ANTXR2: variants seen among roughly 807,000 people sequenced by gnomAD.
ANTXR2 encodes ANTXR cell adhesion molecule 2, also known as anthrax toxin receptor 2.
A neutral mutation model predicts 73.7 loss-of-function variants in ANTXR2; 44 were observed. The observed-to-expected ratio is 0.60, with a 90% CI of 0.47 to 0.77. The LOEUF is 0.77. Ranked by LOEUF, ANTXR2 falls within the 30% of genes least tolerant of loss-of-function variation. The pLI is 0.00. For synonymous variants in ANTXR2, 217 were observed against 205.9 expected, an observed-to-expected ratio of 1.05 and a Z score of -0.46; for missense variants, 604 against 592.5, an observed-to-expected ratio of 1.02 and a Z score of -0.20.
chr4:79,963,881 C>A (rs1729244956), intron 16 of ANTXR2, among the ~76,000 whole-genome samples: 1 of 151,868 alleles, frequency 6.6e-6, no homozygotes, highest in African/African-American at 2.4e-5. Flanking sequence ...GGAGAACCGC[C>A]CAAAAAGAAA....
At chr4:80,002,229 A>T (rs1731081717) in intron 12 of ANTXR2, among the ~76,000 whole-genome samples, 1 of 152,160 alleles carries the variant, frequency 6.6e-6, no homozygotes, top group South Asian at 2.1e-4. Flanking sequence ...TAAACGGAAC[A>T]GAACAGAGCC....
At chr4:80,011,879 C>G (rs1298860975) in intron 11 of ANTXR2, among the ~76,000 whole-genome samples, 1 of 152,182 alleles carries the variant, frequency 6.6e-6, no homozygotes, top group Non-Finnish European at 1.5e-5. Context: ...TTAGTGTATT[C>G]AGGGACTGTG....
rs1403623103 is a variant in ANTXR2 at position 80,008,693 on chromosome 4, GA to G, written c.946-78del. On this transcript the variant is annotated intron_variant, in intron 11 of 16. Transcript: ENST00000403729. ...ATTCCAAATGTATATATATTTTAAG[GA>G]AACACCAGAAAATAATTCAGAAAGT... 7.4e-6 allele frequency: 6 copies of G among 810,234 alleles called. 1 individual carries two copies. The highest frequency in any genetic ancestry group is 3.7e-5 in the Admixed American group (1 of 27,216). The allele number at this position is 810,234 out of a possible 1,614,324, so 50.2% of individuals were successfully genotyped here.
intron 11 of ANTXR2, among the ~76,000 whole-genome samples, chr4:80,010,885 C>T (rs1479698908): frequency 6.6e-6 from 1 of 152,116 alleles, no homozygotes; most frequent in Non-Finnish European, 1.5e-5. Flanking sequence ...CAGTGGCTCA[C>T]ACCTGTAATC....
chr4:79,956,938 A>C (rs370703076), intron 16 of ANTXR2, among the ~76,000 whole-genome samples: 110 of 152,284 alleles, frequency 7.2e-4, no homozygotes, highest in African/African-American at 2.5e-3. Flanking sequence ...TCTAAAAAAC[A>C]GAGTGGATTT....
intron 16 of ANTXR2, among the ~76,000 whole-genome samples, chr4:79,971,855 G>A (rs1377296720): frequency 5.0e-5 from 1 of 19,960 alleles, no homozygotes; most frequent in Non-Finnish European, 8.7e-5. Flanking sequence ...GGACATAGGC[G>A]TGGGCAAGGA....
chr4:80,055,554 C>G, intron 4 of ANTXR2, 87 bp from the exon 5 acceptor site: 1 of 1,066,776 alleles, frequency 9.4e-7, no homozygotes, highest in Non-Finnish European at 1.4e-6. Flanking sequence ...GTAAGTCTGA[C>G]AAAATCAAAA....
intron 12 of ANTXR2, among the ~76,000 whole-genome samples, chr4:79,997,600 C>G (rs1730790826): frequency 6.6e-6 from 1 of 151,936 alleles, no homozygotes; most frequent in African/African-American, 2.4e-5. Context: ...CCTTCAACAT[C>G]CTGACCAAAA....
Position 79,977,678 on chromosome 4 carries a change from A to C in ANTXR2, c.1371T>G (p.Ala457=). ...CCCGGTCATACTGCCGCCTCAACAA[A>C]GCCCAGAGAGCATCAAGACGACCCT... ...PIKGRLDALW[A]LLRRQYDRVS... Residue 457 remains alanine, a synonymous_variant, in exon 16 of 17, where the codon GCT becomes GCG. Transcript: ENST00000403729. The C allele has an allele frequency of 6.3e-7, 1 of 1,579,338 alleles. No individual in the cohort carries two copies. The highest frequency in any genetic ancestry group is 8.6e-7 in the Non-Finnish European group (1 of 1,161,994).
At chr4:79,935,913 G>A (rs544570334) in intron 16 of ANTXR2, among the ~76,000 whole-genome samples, 3 of 152,172 alleles carry the variant, frequency 2.0e-5, no homozygotes, top group Non-Finnish European at 4.4e-5. Flanking sequence ...TTGTTAAAGA[G>A]TGACACTTAG....
chr4:79,985,557 A>G (rs1215058508), intron 12 of ANTXR2, among the ~76,000 whole-genome samples: 1 of 152,026 alleles, frequency 6.6e-6, no homozygotes, highest in African/African-American at 2.4e-5. Flanking sequence ...GGGTGGTGAG[A>G]CAGAGACACC....
chr4:79,991,118 A>G (rs1254986314), intron 12 of ANTXR2, among the ~76,000 whole-genome samples: 1 of 152,156 alleles, frequency 6.6e-6, no homozygotes, highest in African/African-American at 2.4e-5. Flanking sequence ...AATTAAACTA[A>G]AGAGCTTCTG....
At chr4:79,977,806 A>T in intron 15 of ANTXR2, 105 bp from the exon 16 acceptor site, 1 of 1,285,912 alleles carries the variant, frequency 7.8e-7, no homozygotes, top group East Asian at 2.5e-5. Flanking sequence ...CTTTACCCTC[A>T]TTTCTTTCAT....
chr4:80,002,768 C>A (rs1454621925), intron 12 of ANTXR2, among the ~76,000 whole-genome samples: 2 of 151,880 alleles, frequency 1.3e-5, no homozygotes, highest in Admixed American at 1.3e-4. Flanking sequence ...ACAGACACTT[C>A]TCAAAAGAAG....
chr4:79,949,755 T>C (rs768060681), intron 16 of ANTXR2, among the ~76,000 whole-genome samples: 1 of 152,172 alleles, frequency 6.6e-6, no homozygotes, highest in Non-Finnish European at 1.5e-5. Flanking sequence ...ATAGATGGCA[T>C]GTAGAAGGTA....
upstream of ANTXR2, chr4:80,073,419 A>C (rs1055915123): frequency 1.3e-5 from 2 of 152,170 alleles, no homozygotes; most frequent in Non-Finnish European, 2.9e-5. Flanking sequence ...GGCCTGGCCT[A>C]TTTTAGCAGC....
At position 80,049,493 on chromosome 4, in the gene ANTXR2, G is replaced by A. The variant is rs77262004; in HGVS notation, c.636+4779C>T. 5.5e-3 allele frequency among the ~76,000 whole-genome samples: 839 copies of A among 151,782 alleles called. 4 individuals are homozygous for A. The highest frequency in any genetic ancestry group is 8.9e-3 in the Non-Finnish European group (604 of 67,764). On this transcript the variant is annotated intron_variant, in intron 7 of 16. Transcript: ENST00000403729. ...TGCTTGTGTCTGTGGACAATGGGAG[G>A]GGAGAAAGAAAATGAGGAAGCATAA...
At chr4:80,029,100 T>C (rs1024785036) in intron 10 of ANTXR2, among the ~76,000 whole-genome samples, 3 of 152,124 alleles carry the variant, frequency 2.0e-5, no homozygotes, top group Non-Finnish European at 4.4e-5. Flanking sequence ...CTGATATTTA[T>C]TATGCTATGT....
intron 12 of ANTXR2, among the ~76,000 whole-genome samples, chr4:80,007,696 A>C (rs1485523449): frequency 1.3e-5 from 2 of 152,162 alleles, no homozygotes; most frequent in Non-Finnish European, 2.9e-5. Context: ...GATGCAACAC[A>C]TCTGGCTTTG....
Sources: gnomAD v4.1 joint callset for allele counts (sites outside exome capture counted in the v4.1 genomes callset) on GRCh38, gnomAD v4.1.1 for gene constraint, MANE v1.5 for transcripts, NCBI Gene and HGNC (gene_info 2026-07-23, HGNC 2026-07-21) for gene names.